Variants in STXBP5 observed in about 807,000 individuals in gnomAD.
The protein encoded by STXBP5 is syntaxin-binding protein 5.
In STXBP5, 50 loss-of-function variants were observed where a neutral mutation model predicts 152.4. The observed-to-expected ratio is 0.33, with a 90% confidence interval of 0.26 to 0.42. The LOEUF is 0.42. Among genes scored for constraint, STXBP5 ranks in the 10% least tolerant of loss-of-function variants. STXBP5 has a pLI of 1.00. For missense variants in STXBP5, 1,167 were observed against 1,388.6 expected (o/e 0.84, Z 2.54); for synonymous variants, 492 against 494.7 (o/e 0.99, Z 0.07).
rs1006173867 is a variant in STXBP5 at position 147,233,981 on chromosome 6, T to G, written c.249-1269T>G. On this transcript the variant is annotated intron_variant, in intron 2 of 27. Transcript: ENST00000321680. Reference sequence around the variant, plus strand: ...CCTGTTAATTTATAAAATATATAATTAATTGCTAGTAATAAATGGAAAAAA... The same window carrying G: ...CCTGTTAATTTATAAAATATATAATGAATTGCTAGTAATAAATGGAAAAAA... 4.9e-4 allele frequency among the ~76,000 whole-genome samples: 74 copies of G among 151,366 alleles called. 1 individual carries two copies. Among genetic ancestry groups the G allele is most frequent in the African/African-American group, 1.7e-3 (72 of 41,450 alleles).
chr6:147,221,029 T>G (rs1244247896), intron 2 of STXBP5, among the ~76,000 whole-genome samples: 2 of 152,102 alleles, frequency 1.3e-5, no homozygotes, highest in Non-Finnish European at 2.9e-5. Context: ...TCTTAGCATA[T>G]CAGTTTCTTA....
At chr6:147,258,090 T>C (rs571082124) in intron 4 of STXBP5, among the ~76,000 whole-genome samples, 1 of 152,318 alleles carries the variant, frequency 6.6e-6, no homozygotes, top group East Asian at 1.9e-4. Flanking sequence ...CAAGCCCCTC[T>C]TCCTTGCAAG....
chr6:147,324,417 C>T (rs1207330109), intron 16 of STXBP5, among the ~76,000 whole-genome samples: 1 of 151,562 alleles, frequency 6.6e-6, no homozygotes, highest in African/African-American at 2.4e-5. Context: ...GGACTACAGG[C>T]ACACACCACC....
chr6:147,355,047 A>G (rs956122959), intron 22 of STXBP5, among the ~76,000 whole-genome samples: 1 of 152,190 alleles, frequency 6.6e-6, no homozygotes, highest in Non-Finnish European at 1.5e-5. Flanking sequence ...GCTTCTGTGC[A>G]TAGAATTCAT....
chr6:147,220,117 ATATC>A lies in STXBP5; in HGVS notation c.248+14051_248+14054del, dbSNP rs1562417447. The stretch of plus-strand genomic sequence containing the variant: ...AAAACATTTAAAAAATTCTCTCTTA[ATATC>A]TTTTTTGACCCAAGTGTTAATAGAA... On this transcript the variant is annotated intron_variant, in intron 2 of 27. Transcript: ENST00000321680. Among the ~76,000 whole-genome samples the A allele has an allele frequency of 2.0e-5, 3 of 151,866 alleles. No homozygotes were observed. In the South Asian group the frequency reaches 6.2e-4, roughly 32 times the overall value.
chr6:147,277,982 TAAAG>T, intron 7 of STXBP5, 95 bp from the exon 8 acceptor site: 1 of 1,108,356 alleles, frequency 9.0e-7, no homozygotes, highest in Middle Eastern at 2.3e-4. Flanking sequence ...CCTTAGGAAA[TAAAG>T]AAAAGTTAAA....
chr6:147,213,477 T>TGTGCGCGCGCGCGCGCGCGC, intron 2 of STXBP5, among the ~76,000 whole-genome samples: 14 of 131,276 alleles, frequency 1.1e-4, no homozygotes, highest in Non-Finnish European at 1.6e-4. Flanking sequence ...TGTGTGTGTG[T>TGTGCGCGCGCGCGCGCGCGC]GCGCGCGCAT....
chr6:147,286,170 C>T (rs1386253133), intron 8 of STXBP5, among the ~76,000 whole-genome samples: 1 of 152,122 alleles, frequency 6.6e-6, no homozygotes, highest in Non-Finnish European at 1.5e-5. Flanking sequence ...ATTCTCTCTC[C>T]CACCTCAACA....
At chr6:147,295,451 C>G (rs1336037846) in intron 9 of STXBP5, among the ~76,000 whole-genome samples, 8 of 152,270 alleles carry the variant, frequency 5.3e-5, no homozygotes, top group African/African-American at 1.9e-4. Context: ...ACCATCCCCC[C>G]CACACACGCA....
At chr6:147,244,833 G>A (rs1035346526) in intron 4 of STXBP5, among the ~76,000 whole-genome samples, 3 of 151,970 alleles carry the variant, frequency 2.0e-5, no homozygotes, top group African/African-American at 7.3e-5. Flanking sequence ...GAAATTAGTG[G>A]TTGTTTGAAT....
chr6:147,308,840 T>C (rs1240033393), intron 9 of STXBP5, among the ~76,000 whole-genome samples: 1 of 152,148 alleles, frequency 6.6e-6, no homozygotes, highest in East Asian at 1.9e-4. Flanking sequence ...AATGGGTGTT[T>C]TTCCCACACA....
At chr6:147,303,969 G>T (rs1781958178) in intron 9 of STXBP5, among the ~76,000 whole-genome samples, 2 of 152,084 alleles carry the variant, frequency 1.3e-5, no homozygotes, top group African/African-American at 4.8e-5. Context: ...AAGTGTTCAA[G>T]GGGAAGCAGA....
At chr6:147,282,237 T>A (rs1192405126) in intron 8 of STXBP5, among the ~76,000 whole-genome samples, 1 of 152,224 alleles carries the variant, frequency 6.6e-6, no homozygotes, top group African/African-American at 2.4e-5. Context: ...GGAAAAGGTA[T>A]GTCATAGTGA....
At chr6:147,368,739 G>A (rs969657164) in intron 25 of STXBP5, among the ~76,000 whole-genome samples, 1 of 151,960 alleles carries the variant, frequency 6.6e-6, no homozygotes, top group Non-Finnish European at 1.5e-5. Context: ...TAATCAGTGT[G>A]TTTGGCAAAG....
chr6:147,304,677 G>A (rs1020756667), intron 9 of STXBP5, among the ~76,000 whole-genome samples: 5 of 152,090 alleles, frequency 3.3e-5, no homozygotes, highest in Non-Finnish European at 5.9e-5. Flanking sequence ...AACCAGGAGG[G>A]GTCTGTACCC....
At chr6:147,321,231 T>C (rs1220049824) in intron 16 of STXBP5, among the ~76,000 whole-genome samples, 1 of 152,140 alleles carries the variant, frequency 6.6e-6, no homozygotes, top group Admixed American at 6.5e-5. Flanking sequence ...GCCAGTTTCT[T>C]AAAGTAAGAA....
At chr6:147,240,684 A>G (rs1778498639) in intron 4 of STXBP5, among the ~76,000 whole-genome samples, 1 of 152,222 alleles carries the variant, frequency 6.6e-6, no homozygotes, top group Non-Finnish European at 1.5e-5. Flanking sequence ...TAATAACAGT[A>G]GAGGTAAGAA....
intron 21 of STXBP5, among the ~76,000 whole-genome samples, chr6:147,351,359 C>A (rs1456473418): frequency 6.6e-6 from 1 of 152,154 alleles, no homozygotes; most frequent in African/African-American, 2.4e-5. Flanking sequence ...TGATTTTTAT[C>A]TAAAAGAGTT....
intron 8 of STXBP5, among the ~76,000 whole-genome samples, chr6:147,287,420 T>G (rs1219122618): frequency 3.3e-5 from 5 of 151,698 alleles, no homozygotes; most frequent in Non-Finnish European, 5.9e-5. Flanking sequence ...GCCGGGATGG[T>G]CTCGATCTCC....
Sources: gnomAD v4.1 joint callset for allele counts (sites outside exome capture counted in the v4.1 genomes callset) on GRCh38, gnomAD v4.1.1 for gene constraint, MANE v1.5 for transcripts, NCBI Gene and HGNC (gene_info 2026-07-23, HGNC 2026-07-21) for gene names.